ARID1B: variants seen among roughly 807,000 people sequenced by gnomAD.
ARID1B encodes the protein AT-rich interactive domain-containing protein 1B.
ARID1B carries 30 observed loss-of-function variants against 212.3 expected under a neutral mutation model. The ratio of observed to expected loss-of-function variants is 0.14; its 90% CI spans 0.11 to 0.19. The LOEUF (loss-of-function observed/expected upper bound fraction) is 0.19, where lower values mean the gene tolerates loss of function less well. Among genes scored for constraint, ARID1B ranks in the 10% least tolerant of loss-of-function variants. ARID1B has a pLI of 1.00. For synonymous variants in ARID1B, 1,402 were observed against 1,301.7 expected (o/e 1.08, Z -1.66); for missense variants, 2,891 against 3,204.0 (o/e 0.90, Z 2.36).
At chr6:156,978,076 CT>C (rs1334174841) in intron 4 of ARID1B, among the ~76,000 whole-genome samples, 1 of 152,214 alleles carries the variant, frequency 6.6e-6, no homozygotes, top group African/African-American at 2.4e-5. Flanking sequence ...CACACACAGG[CT>C]GAACGTGACT....
At chr6:157,089,698 C>T (rs1367824708) in intron 5 of ARID1B, among the ~76,000 whole-genome samples, 4 of 152,162 alleles carry the variant, frequency 2.6e-5, no homozygotes, top group Non-Finnish European at 4.4e-5. Context: ...CCTATTCTCT[C>T]TCCTCTTCAT....
At chr6:157,033,679 T>A (rs1781150520) in intron 4 of ARID1B, among the ~76,000 whole-genome samples, 1 of 152,178 alleles carries the variant, frequency 6.6e-6, no homozygotes, top group Non-Finnish European at 1.5e-5. Flanking sequence ...GTTTTTGTGC[T>A]TTAGGAGAGT....
At chr6:156,798,416 C>G (rs2115305929) in intron 1 of ARID1B, among the ~76,000 whole-genome samples, 1 of 152,380 alleles carries the variant, frequency 6.6e-6, no homozygotes, top group African/African-American at 2.4e-5. Context: ...GCTTTCCCCT[C>G]TGCATTTCAC....
chr6:157,123,167 G>A (rs1375332333), intron 6 of ARID1B, among the ~76,000 whole-genome samples: 2 of 151,346 alleles, frequency 1.3e-5, no homozygotes, highest in African/African-American at 4.9e-5. Flanking sequence ...ACTCGATGGG[G>A]ATTTTGAGAT....
At chr6:157,021,945 A>G (rs1277689450) in intron 4 of ARID1B, among the ~76,000 whole-genome samples, 1 of 152,098 alleles carries the variant, frequency 6.6e-6, no homozygotes, top group Non-Finnish European at 1.5e-5. Flanking sequence ...CCCAGCGCTT[A>G]AGGTTTTATT....
chr6:156,798,025 G>T (rs531485366), intron 1 of ARID1B, among the ~76,000 whole-genome samples: 1 of 152,056 alleles, frequency 6.6e-6, no homozygotes, highest in East Asian at 1.9e-4. Flanking sequence ...TTCGTCACTG[G>T]TGACCTTCAG....
At chr6:156,885,444 G>A (rs1440342490) in intron 2 of ARID1B, among the ~76,000 whole-genome samples, 1 of 152,188 alleles carries the variant, frequency 6.6e-6, no homozygotes, top group Non-Finnish European at 1.5e-5. Context: ...ATGGAAAGAA[G>A]TGAGACATTT....
At chr6:157,040,248 T>C (rs970711341) in intron 4 of ARID1B, among the ~76,000 whole-genome samples, 3 of 152,248 alleles carry the variant, frequency 2.0e-5, no homozygotes, top group African/African-American at 7.2e-5. Flanking sequence ...AGAATTACCT[T>C]ATTTCATAAA....
intron 8 of ARID1B, chr6:157,150,291 C>G (rs1441627984): frequency 6.6e-6 from 1 of 152,154 alleles, no homozygotes; most frequent in African/African-American, 2.4e-5. Context: ...CGCGTGCCCC[C>G]TCTCTGAGTC....
rs1044746171 is a variant in ARID1B, at chr6:156,778,581, C to T, written c.901C>T (p.Pro301Ser). 7.9e-7 allele frequency: 1 copy of T among 1,261,698 alleles called. No homozygotes were observed. Among genetic ancestry groups the T allele is most frequent in the Non-Finnish European group, 9.9e-7 (1 of 1,005,900 alleles). The allele number at this position is 1,261,698 out of a possible 1,614,324, so 78.2% of individuals were successfully genotyped here. ...CACGCAGCAGCCGCCGGTCGCCGTG[C>T]CCGGGGGCGGCGGCGGCCCGGCGGC... is the stretch of plus-strand genomic sequence containing the variant. ...LGTQQPPVAV[P>S]GGGGGPAAVP... Residue 301 changes from proline to serine, a missense_variant, in exon 1 of 20, where the codon CCC (proline) becomes TCC (serine). Coordinates refer to ENST00000636930, the MANE Select transcript of ARID1B (RefSeq NM_001374828.1).
intron 4 of ARID1B, among the ~76,000 whole-genome samples, chr6:157,013,566 T>TC (rs1779734602): frequency 6.6e-6 from 1 of 152,242 alleles, no homozygotes; most frequent in African/African-American, 2.4e-5. Flanking sequence ...GAAAACAGGA[T>TC]CTGTCACGAG....
In ARID1B at chr6:157,197,534, T is replaced by C. The variant is rs139249591; in HGVS notation, c.4382+1219T>C. ...CCATCCCATGTTTAAGGAGACACGGTGCTTTCTCCTAGGGACCTAGGAATT... is the reference window on the plus strand; with the variant it reads ...CCATCCCATGTTTAAGGAGACACGGCGCTTTCTCCTAGGGACCTAGGAATT... On this transcript the variant is annotated intron_variant, in intron 16 of 19. Transcript: ENST00000636930. 5.8e-3 allele frequency among the ~76,000 whole-genome samples: 887 copies of C among 152,392 alleles called. 8 individuals are homozygous for C. The highest frequency in any genetic ancestry group is 0.021 in the African/African-American group (853 of 41,596).
intron 2 of ARID1B, among the ~76,000 whole-genome samples, chr6:156,876,818 A>G (rs1442936316): frequency 6.6e-6 from 1 of 152,192 alleles, no homozygotes; most frequent in African/African-American, 2.4e-5. Context: ...TCTGAGGTCC[A>G]CAGACCCCTG....
intron 7 of ARID1B, among the ~76,000 whole-genome samples, chr6:157,146,502 G>T (rs1181061284): frequency 1.3e-5 from 2 of 152,130 alleles, no homozygotes; most frequent in Non-Finnish European, 2.9e-5. Context: ...GGACCCTCAA[G>T]CCCTCAGCCC....
Position 156,898,956 on chromosome 6 carries a change from A to G in ARID1B, c.1987-2420A>G, listed in dbSNP as rs1234648090. ...ATTGCACTCCAGCTTGGGCAACAAG[A>G]GCAAAATTCTGTCTCAAACAAGCAA... On this transcript the variant is annotated intron_variant, in intron 2 of 19. Coordinates refer to ENST00000636930, the MANE Select transcript of ARID1B (RefSeq NM_001374828.1). Among the ~76,000 whole-genome samples, 3 of 152,184 alleles carry G rather than the reference A, an allele frequency of 2.0e-5. No individual in the cohort carries two copies. The East Asian group carries it at 5.8e-4, about 29-fold the overall frequency.
intron 2 of ARID1B, among the ~76,000 whole-genome samples, chr6:156,836,710 G>C (rs1299071536): frequency 1.7e-4 from 26 of 152,308 alleles, no homozygotes; most frequent in Non-Finnish European, 4.4e-5. Context: ...TGTCACCCAG[G>C]ATGGAGTGCA....
intron 2 of ARID1B, among the ~76,000 whole-genome samples, chr6:156,836,330 C>T (rs947559403): frequency 5.3e-5 from 8 of 152,164 alleles, no homozygotes; most frequent in African/African-American, 1.9e-4. Flanking sequence ...CCCTAATCTC[C>T]CGTGACTGCC....
chr6:156,812,975 T>TAC lies in ARID1B; in HGVS notation c.1792-16252_1792-16251insAC, dbSNP rs1159448637. Among the ~76,000 whole-genome samples the TAC allele has an allele frequency of 3.7e-4, 38 of 103,626 alleles. 1 individual carries two copies. Among genetic ancestry groups the TAC allele is most frequent in the Admixed American group, 1.5e-3 (15 of 9,844 alleles). The allele number at this position is 103,626 out of a possible 152,430, so 68.0% of individuals were successfully genotyped here. The stretch of plus-strand genomic sequence containing the variant: ...GTGTGTGTGTGTGTGTGTGTGTGTG[T>TAC]GTATGTATATACATACGTATGTATA... On this transcript the variant is annotated intron_variant, in intron 1 of 19. Coordinates refer to ENST00000636930, the MANE Select transcript of ARID1B (RefSeq NM_001374828.1).
At chr6:157,045,884 G>A (rs2144023) in intron 4 of ARID1B, among the ~76,000 whole-genome samples, 2 of 151,904 alleles carry the variant, frequency 1.3e-5, no homozygotes, top group Non-Finnish European at 2.9e-5. Flanking sequence ...TACTGTTTCC[G>A]CTAAAAGAAA....
Sources: allele counts gnomAD v4.1 joint callset (sites outside exome capture counted in the v4.1 genomes callset), GRCh38; gene constraint gnomAD v4.1.1; transcripts MANE v1.5; gene names NCBI Gene and HGNC (gene_info 2026-07-23, HGNC 2026-07-21).